MANBA: variants seen among roughly 807,000 people sequenced by gnomAD.
MANBA encodes beta-mannosidase.
MANBA carries 83 observed loss-of-function variants against 111.1 expected under a neutral mutation model. That is an observed-to-expected ratio of 0.75 (90% CI 0.63 to 0.90). The LOEUF (loss-of-function observed/expected upper bound fraction) is 0.90, where lower values mean the gene tolerates loss of function less well. Among genes scored for constraint, MANBA ranks in the 40% least tolerant of loss-of-function variants. The pLI is 0.00. For missense variants in MANBA, 1,036 were observed against 1,069.0 expected (o/e 0.97, Z 0.43); for synonymous variants, 370 against 378.7 (o/e 0.98, Z 0.27).
chr4:102,646,743 T>G (rs988926498), intron 13 of MANBA, among the ~76,000 whole-genome samples: 3 of 152,100 alleles, frequency 2.0e-5, no homozygotes, highest in African/African-American at 7.2e-5. Flanking sequence ...TGCTCATGTA[T>G]ATGGGCTATT....
chr4:102,705,570 C>T lies in MANBA; in HGVS notation c.673+8868G>A, dbSNP rs73836837. Among the ~76,000 whole-genome samples, 809 of 152,254 alleles carry T rather than the reference C, an allele frequency of 5.3e-3. 8 individuals are homozygous for T. Among genetic ancestry groups the T allele is most frequent in the African/African-American group, 0.018 (764 of 41,532 alleles). ...CCCTGCTTATCTCCACTACCTGGAG[C>T]GAAAGTGCATGCTCTCCAGTCACCT... On this transcript the variant is annotated intron_variant, in intron 5 of 16. Coordinates refer to ENST00000647097, the MANE Select transcript of MANBA (RefSeq NM_005908.4).
chr4:102,672,464 CT>C (rs1483124940), intron 8 of MANBA, among the ~76,000 whole-genome samples: 1 of 151,968 alleles, frequency 6.6e-6, no homozygotes, highest in Non-Finnish European at 1.5e-5. Flanking sequence ...AGATCTAGAA[CT>C]TTTAAGATTA....
chr4:102,752,548 G>A, intron 1 of MANBA: 1 of 691,108 alleles, frequency 1.4e-6, no homozygotes, highest in Non-Finnish European at 2.8e-6. Context: ...AGTGTAGACT[G>A]GATAGGGACA....
At chr4:102,666,942 G>A (rs1403000874) in intron 10 of MANBA, 2 of 151,980 alleles carry the variant, frequency 1.3e-5, no homozygotes, top group Admixed American at 6.6e-5. Context: ...AATAGAAATC[G>A]CTTCCTTGCA....
At chr4:102,702,671 A>G (rs1158443580) in intron 5 of MANBA, among the ~76,000 whole-genome samples, 1 of 152,220 alleles carries the variant, frequency 6.6e-6, no homozygotes, top group Non-Finnish European at 1.5e-5. Context: ...AATACAGAAA[A>G]GAAACATAGA....
chr4:102,632,084 A>G lies in MANBA; in HGVS notation c.2613T>C (p.His871=), dbSNP rs191039829. The G allele has an allele frequency of 4.6e-5, 74 of 1,608,228 alleles. No individual in the cohort carries two copies. The East Asian group carries it at 1.6e-3, about 35-fold the overall frequency. The change falls in exon 17 of 17, where the codon CAT becomes CAC. Residue 871 remains histidine, a synonymous_variant. Transcript: ENST00000647097. The part of the protein sequence containing the change: ...TSKNELEQSF[H]VTSLTDIY ...AGTAAATATCTGTTAAGGAGGTCAC[A>G]TGAAAAGATTGCTCCAACTCATTCT...
chr4:102,729,284 C>T (rs890024727), intron 1 of MANBA: 22 of 753,502 alleles, frequency 2.9e-5, no homozygotes, highest in Admixed American at 2.4e-4. Flanking sequence ...AGGTCATCCT[C>T]GTGCTTCCCA....
intron 7 of MANBA, among the ~76,000 whole-genome samples, chr4:102,685,758 T>TAA (rs1264564268): frequency 6.6e-6 from 1 of 152,086 alleles, no homozygotes; most frequent in Non-Finnish European, 1.5e-5. Context: ...CTCCTATATA[T>TAA]AATACAAAGA....
chr4:102,736,025 C>T (rs1459917559), intron 1 of MANBA, among the ~76,000 whole-genome samples: 1 of 152,192 alleles, frequency 6.6e-6, no homozygotes, highest in East Asian at 1.9e-4. Context: ...CAGCTGGTAA[C>T]TGCAACAACA....
At position 102,636,154 on chromosome 4, in the gene MANBA, G is replaced by C. The variant is rs4496586; in HGVS notation, c.2015-147C>G. 0.5 allele frequency: 359,004 copies of C among 722,562 alleles called. 91,505 individuals are homozygous for C. The highest frequency in any genetic ancestry group is 0.66 in the Admixed American group (31,948 of 48,456). 44.8% of individuals were successfully genotyped at this position (722,562 alleles called of 1,614,324 possible). A position where few individuals can be genotyped will look rare whatever the true frequency, so the allele number is the denominator to read the frequency against. The stretch of plus-strand genomic sequence containing the variant: ...AACAGTGGAGGGCACCCATGTTTGT[G>C]AAGCGCTCTGAGCACTCTGGACATT... On this transcript the variant is annotated intron_variant, in intron 14 of 16. Coordinates refer to ENST00000647097, the MANE Select transcript of MANBA (RefSeq NM_005908.4).
chr4:102,722,826 C>A, intron 4 of MANBA, 45 bp downstream of exon 4: 1 of 1,580,894 alleles, frequency 6.3e-7, no homozygotes, highest in East Asian at 2.2e-5. Context: ...TGCCAGCACA[C>A]CCCGTCCTCA....
In MANBA at chr4:102,755,668, A is replaced by G. The variant is rs568021890; in HGVS notation, c.177+5050T>C. On this transcript the variant is annotated intron_variant, in intron 1 of 16. Coordinates refer to ENST00000647097, the MANE Select transcript of MANBA (RefSeq NM_005908.4). ...CTTCTGCACAGCAAAAGAAACTACCATCAGAGTGAACAGGCAACCTACAGA... is the reference window on the plus strand; with the variant it reads ...CTTCTGCACAGCAAAAGAAACTACCGTCAGAGTGAACAGGCAACCTACAGA... Among the ~76,000 whole-genome samples the G allele has an allele frequency of 2.0e-3, 301 of 152,370 alleles. 1 individual carries two copies. The highest frequency in any genetic ancestry group is 6.9e-3 in the African/African-American group (286 of 41,592).
intron 1 of MANBA, among the ~76,000 whole-genome samples, chr4:102,756,797 T>TAAAAAAA (rs35787338): frequency 6.0e-4 from 43 of 71,960 alleles, no homozygotes; most frequent in South Asian, 1.2e-3. Flanking sequence ...AGAGACTATC[T>TAAAAAAA]AAAAAAAAAA....
At chr4:102,737,263 A>T (rs1723249072) in intron 1 of MANBA, among the ~76,000 whole-genome samples, 1 of 152,210 alleles carries the variant, frequency 6.6e-6, no homozygotes, top group Admixed American at 6.5e-5. Context: ...AGATATGAGC[A>T]CAGCCAAAGG....
At chr4:102,718,618 C>T (rs1722439144) in intron 4 of MANBA, among the ~76,000 whole-genome samples, 1 of 152,152 alleles carries the variant, frequency 6.6e-6, no homozygotes, top group Non-Finnish European at 1.5e-5. Context: ...GAAAAGGAAG[C>T]AGAGACAATA....
At chr4:102,704,680 C>T (rs1287694495) in intron 5 of MANBA, among the ~76,000 whole-genome samples, 2 of 151,592 alleles carry the variant, frequency 1.3e-5, no homozygotes, top group Non-Finnish European at 2.9e-5. Flanking sequence ...TATTATTTTT[C>T]AATGTTTAAA....
chr4:102,686,705 C>T (rs1732231408), intron 7 of MANBA, among the ~76,000 whole-genome samples: 1 of 152,152 alleles, frequency 6.6e-6, no homozygotes, highest in African/African-American at 2.4e-5. Context: ...GTTTCTGTGA[C>T]TCCCCACTCA....
intron 9 of MANBA, 51 bp from the exon 10 acceptor site, chr4:102,669,100 C>A (rs1276333702): frequency 1.5e-6 from 2 of 1,344,670 alleles, no homozygotes; most frequent in Non-Finnish European, 2.1e-6. Context: ...TTTTATTACA[C>A]AGAAGAAAGT....
intron 10 of MANBA, chr4:102,666,708 G>T (rs932502550): frequency 6.6e-6 from 1 of 152,202 alleles, no homozygotes; most frequent in Non-Finnish European, 1.5e-5. Context: ...CACCTCAGGG[G>T]AAGTGTTGGC....
Sources: gnomAD v4.1 joint callset for allele counts (sites outside exome capture counted in the v4.1 genomes callset) on GRCh38, gnomAD v4.1.1 for gene constraint, MANE v1.5 for transcripts, NCBI Gene and HGNC (gene_info 2026-07-23, HGNC 2026-07-21) for gene names.